The following GTF2E2 variants were observed in gnomAD, a reference collection of about 807,000 sequenced individuals.
GTF2E2 encodes transcription initiation factor IIE subunit beta.
In GTF2E2, 21 loss-of-function variants were observed where a neutral mutation model predicts 40.5. The ratio of observed to expected loss-of-function variants is 0.52; its 90% CI spans 0.37 to 0.75. The LOEUF is 0.75. Ranked by LOEUF, GTF2E2 falls within the 30% of genes least tolerant of loss-of-function variation. GTF2E2 has a pLI of 0.00. For synonymous variants in GTF2E2, 117 were observed against 121.6 expected (o/e 0.96, Z 0.25); for missense variants, 298 against 338.4 (o/e 0.88, Z 0.94).
chr8:30,601,128 A>G (rs2978279), intron 6 of GTF2E2, among the ~76,000 whole-genome samples: 123,960 of 152,166 alleles, frequency 0.81, 51,399 homozygotes, highest in African/African-American at 0.95. Context: ...TACCTTACCC[A>G]AGGTTCCTGT....
intron 6 of GTF2E2, among the ~76,000 whole-genome samples, chr8:30,601,812 T>G (rs1829189076): frequency 6.6e-6 from 1 of 152,226 alleles, no homozygotes; most frequent in Non-Finnish European, 1.5e-5. Flanking sequence ...AAATGTACTT[T>G]GTATTTTCAG....
At chr8:30,602,424 G>A (rs994346915) in intron 6 of GTF2E2, among the ~76,000 whole-genome samples, 4 of 152,098 alleles carry the variant, frequency 2.6e-5, no homozygotes, top group African/African-American at 2.4e-5. Context: ...GAAAGTATGT[G>A]TATCAGTAGG....
In GTF2E2 at chr8:30,607,133, T is replaced by C; in HGVS notation, c.567A>G (p.Ile189Met). The C allele has an allele frequency of 7.1e-7, 1 of 1,412,106 alleles. No homozygotes were observed. Among genetic ancestry groups the C allele is most frequent in the Non-Finnish European group, 9.9e-7 (1 of 1,011,472 alleles). 87.5% of individuals were successfully genotyped at this position (1,412,106 alleles called of 1,614,324 possible). Residue 189 changes from isoleucine to methionine, a missense_variant, in exon 6 of 8, where the codon ATA becomes ATG. By Grantham distance (10) the Ile-to-Met change is conservative (BLOSUM62 1). Transcript: ENST00000355904. ...QKAVKALGDQ[I>M]LFVNRPDKKK... ...TCTTATCGGGACGATTTACAAATAGTATCTGGTCCCCCAAAGCCTTAAAGA... is the reference window on the plus strand; with the variant it reads ...TCTTATCGGGACGATTTACAAATAGCATCTGGTCCCCCAAAGCCTTAAAGA...
rs1271360040 is a variant in GTF2E2, at chr8:30,657,935, G to A, written c.-5+38C>T. 4 of 152,234 alleles carry A rather than the reference G, an allele frequency of 2.6e-5. No homozygotes were observed. The East Asian group carries it at 5.8e-4, about 22-fold the overall frequency. 9.4% of individuals were successfully genotyped at this position (152,234 alleles called of 1,614,324 possible). A position where few individuals can be genotyped will look rare whatever the true frequency, so the allele number is the denominator to read the frequency against. ...CTGCGTCCCAGGGAACAGCAAGCCG[G>A]GGCTCTGCGCCCCACACCCGGCGGC... On this transcript the variant is annotated intron_variant, in intron 1 of 7. Coordinates refer to ENST00000355904, the MANE Select transcript of GTF2E2 (RefSeq NM_002095.6).
chr8:30,617,751 CAA>C (rs397957917), intron 3 of GTF2E2, among the ~76,000 whole-genome samples: 33 of 116,726 alleles, frequency 2.8e-4, no homozygotes, highest in Middle Eastern at 4.1e-3. Flanking sequence ...GATCTTGTCT[CAA>C]AAAAAAAAAA....
At chr8:30,598,839 C>T (rs1383545732) in intron 6 of GTF2E2, among the ~76,000 whole-genome samples, 2 of 152,128 alleles carry the variant, frequency 1.3e-5, no homozygotes, top group East Asian at 1.9e-4. Context: ...TTATAAAATG[C>T]GTGAAAGAAA....
intron 6 of GTF2E2, among the ~76,000 whole-genome samples, chr8:30,606,756 C>T (rs762877740): frequency 2.0e-5 from 3 of 152,124 alleles, no homozygotes; most frequent in East Asian, 1.9e-4. Context: ...TATGAACTTA[C>T]ATTTGTAAAA....
intron 6 of GTF2E2, among the ~76,000 whole-genome samples, chr8:30,588,894 T>G (rs1828758086): frequency 6.6e-6 from 1 of 152,224 alleles, no homozygotes; most frequent in Non-Finnish European, 1.5e-5. Flanking sequence ...CCATGAAGTT[T>G]GTAGTAACAT....
At chr8:30,581,817 T>C (rs1828522957) in intron 6 of GTF2E2, among the ~76,000 whole-genome samples, 1 of 152,050 alleles carries the variant, frequency 6.6e-6, no homozygotes, top group Admixed American at 6.6e-5. Flanking sequence ...AGTCGGCGTA[T>C]TTCCATCTCG....
At chr8:30,599,315 G>T (rs1028748554) in intron 6 of GTF2E2, among the ~76,000 whole-genome samples, 1 of 151,566 alleles carries the variant, frequency 6.6e-6, no homozygotes, top group African/African-American at 2.4e-5. Flanking sequence ...AGTGGCTCAC[G>T]CCTGTTATCC....
intron 6 of GTF2E2, among the ~76,000 whole-genome samples, chr8:30,583,105 G>T (rs1406092732): frequency 6.6e-6 from 1 of 152,142 alleles, no homozygotes; most frequent in African/African-American, 2.4e-5. Flanking sequence ...AGGCCGAGGA[G>T]GGTGGATCAT....
chr8:30,611,899 T>C (rs1829486416), intron 5 of GTF2E2, among the ~76,000 whole-genome samples: 1 of 152,236 alleles, frequency 6.6e-6, no homozygotes, highest in South Asian at 2.1e-4. Flanking sequence ...CTTTAGGACT[T>C]CAAAACAGCC....
chr8:30,600,983 AT>A (rs1178612610), intron 6 of GTF2E2, among the ~76,000 whole-genome samples: 2 of 152,240 alleles, frequency 1.3e-5, no homozygotes, highest in African/African-American at 4.8e-5. Flanking sequence ...CTAGAGATGA[AT>A]GTTAAAACGT....
chr8:30,594,268 T>C (rs1828932189), intron 6 of GTF2E2, among the ~76,000 whole-genome samples: 1 of 151,576 alleles, frequency 6.6e-6, no homozygotes, highest in Non-Finnish European at 1.5e-5. Context: ...TCTTTTTTTT[T>C]CTTTTTTTAG....
intron 3 of GTF2E2, among the ~76,000 whole-genome samples, chr8:30,618,910 A>G (rs1210547594): frequency 1.3e-5 from 2 of 152,270 alleles, no homozygotes; most frequent in East Asian, 3.9e-4. Context: ...TCATATCTGC[A>G]TATCTTAAAA....
chr8:30,657,928 C>T (rs1482940151), intron 1 of GTF2E2, 45 bp downstream of exon 1: 1 of 152,064 alleles, frequency 6.6e-6, no homozygotes, highest in East Asian at 1.9e-4. Flanking sequence ...CAGGGAACAG[C>T]AAGCCGGGGC....
At chr8:30,590,822 C>A (rs1381044052) in intron 6 of GTF2E2, among the ~76,000 whole-genome samples, 1 of 152,022 alleles carries the variant, frequency 6.6e-6, no homozygotes, top group Non-Finnish European at 1.5e-5. Flanking sequence ...TCCCGAGTAG[C>A]TGGGATTACA....
At chr8:30,629,971 G>A (rs185507633) in intron 3 of GTF2E2, among the ~76,000 whole-genome samples, 1 of 152,244 alleles carries the variant, frequency 6.6e-6, no homozygotes, top group Non-Finnish European at 1.5e-5. Flanking sequence ...TTTGTCATCT[G>A]AGAATTAAAG....
chr8:30,615,570 CTA>C (rs1327352249), intron 3 of GTF2E2, among the ~76,000 whole-genome samples: 2 of 152,148 alleles, frequency 1.3e-5, no homozygotes, highest in African/African-American at 2.4e-5. Flanking sequence ...TAAAAGTTCT[CTA>C]TGTGCTAATT....
Sources: allele counts gnomAD v4.1 joint callset (sites outside exome capture counted in the v4.1 genomes callset), GRCh38; gene constraint gnomAD v4.1.1; transcripts MANE v1.5; gene names NCBI Gene and HGNC (gene_info 2026-07-23, HGNC 2026-07-21).